The following HNRNPUL1 variants were observed in gnomAD, a reference collection of about 807,000 sequenced individuals.
HNRNPUL1 encodes heterogeneous nuclear ribonucleoprotein U-like protein 1.
In HNRNPUL1, 14 loss-of-function variants were observed where a neutral mutation model predicts 108.5. The ratio of observed to expected loss-of-function variants is 0.13; its 90% confidence interval spans 0.09 to 0.20. The LOEUF is 0.20. Among genes scored for constraint, HNRNPUL1 ranks in the 10% least tolerant of loss-of-function variants. HNRNPUL1 has a pLI of 1.00. For missense variants in HNRNPUL1, 804 were observed against 1,168.3 expected (o/e 0.69, Z 4.55); for synonymous variants, 422 against 445.2 (o/e 0.95, Z 0.66).
At position 41,294,256 on chromosome 19, in the gene HNRNPUL1, C is replaced by A. The variant is rs748396647; in HGVS notation, c.1267-82C>A. The A allele has an allele frequency of 3.0e-5, 46 of 1,525,412 alleles. No individual in the cohort carries two copies. Among genetic ancestry groups the A allele is most frequent in the Non-Finnish European group, 4.0e-5 (44 of 1,110,928 alleles). 94.5% of individuals were successfully genotyped at this position (1,525,412 alleles called of 1,614,324 possible). Reference sequence around the variant, plus strand: ...TAGAGGCAGCCACAGCTCAGAGGTCCAGAGTCACACTCACAGTCACCACCG... The same window carrying A: ...TAGAGGCAGCCACAGCTCAGAGGTCAAGAGTCACACTCACAGTCACCACCG... On this transcript the variant is annotated intron_variant, in intron 8 of 14. Coordinates refer to ENST00000392006, the MANE Select transcript of HNRNPUL1 (RefSeq NM_007040.6). The surrounding 1 kb of genome is among the most constrained non-coding windows in gnomAD (Gnocchi z 4.3).
chr19:41,276,128 A>G (rs538638125), intron 4 of HNRNPUL1, 31 bp from the exon 5 acceptor site: 63 of 1,613,574 alleles, frequency 3.9e-5, no homozygotes, highest in Non-Finnish European at 5.0e-5. Flanking sequence ...AAATAAAAAC[A>G]TCAGCCAACT....
At chr19:41,273,930 C>G in intron 3 of HNRNPUL1, 52 bp from the exon 4 acceptor site, 1 of 1,402,146 alleles carries the variant, frequency 7.1e-7, no homozygotes, top group South Asian at 1.2e-5. Flanking sequence ...ATTTTCTTTC[C>G]TTTGTGCTCA....
At chr19:41,267,711 T>TGAGCAAGGGCCCTACCA (rs1245495857) in intron 1 of HNRNPUL1, among the ~76,000 whole-genome samples, 3 of 152,356 alleles carry the variant, frequency 2.0e-5, no homozygotes, top group Non-Finnish European at 4.4e-5. Context: ...GGGCCCTAAC[T>TGAGCAAGGGCCCTACCA]GAGAGCTAGC....
chr19:41,272,593 C>T (rs1199688679), intron 3 of HNRNPUL1, among the ~76,000 whole-genome samples: 6 of 152,228 alleles, frequency 3.9e-5, no homozygotes, highest in Admixed American at 3.9e-4. Context: ...TACACATCCT[C>T]TTCCCATTCA....
chr19:41,285,372 C>T (rs2036160314), intron 7 of HNRNPUL1, among the ~76,000 whole-genome samples: 1 of 152,114 alleles, frequency 6.6e-6, no homozygotes, highest in East Asian at 1.9e-4. Flanking sequence ...TACATACTTG[C>T]GCCACCACAC....
rs77028936 is a variant in HNRNPUL1, at chr19:41,276,397, T to C, written c.786+99T>C. 3,344 of 1,351,684 alleles carry C rather than the reference T, an allele frequency of 2.5e-3. 119 individuals are homozygous for C. The East Asian group carries it at 0.07, about 28-fold the overall frequency. 83.7% of individuals were successfully genotyped at this position (1,351,684 alleles called of 1,614,324 possible). A position where few individuals can be genotyped will look rare whatever the true frequency, so the allele number is the denominator to read the frequency against. On this transcript the variant is annotated intron_variant, in intron 5 of 14. Transcript: ENST00000392006. Reference sequence around the variant, plus strand: ...GTCAGAGCTGCAACTGCAAAAGAGATTGGATTGTGCAATACCATGTCCAAG... The same window carrying C: ...GTCAGAGCTGCAACTGCAAAAGAGACTGGATTGTGCAATACCATGTCCAAG...
intron 6 of HNRNPUL1, among the ~76,000 whole-genome samples, chr19:41,279,377 T>G (rs3745295): frequency 0.2 from 30,870 of 152,166 alleles, 3,491 homozygotes; most frequent in East Asian, 0.34. Flanking sequence ...TGAAACAACT[T>G]TTCTGTGAAG....
In HNRNPUL1 at chr19:41,304,024, C is replaced by T. The variant is rs1368362552; in HGVS notation, c.2025C>T (p.Asn675=). The change falls in exon 13 of 15, where the codon AAC becomes AAT. Residue 675 remains asparagine, a synonymous_variant. Transcript: ENST00000392006. ...ATAGCCAGAACCGCTGGGGTAACAA[C>T]AACCGGGATAACAACAACTCCAACA... ...GGYSQNRWGN[N]NRDNNNSNNR... 1.9e-6 allele frequency: 3 copies of T among 1,613,964 alleles called. No individual in the cohort carries two copies. Among genetic ancestry groups the T allele is most frequent in the Non-Finnish European group, 2.5e-6 (3 of 1,180,000 alleles).
chr19:41,274,120 C>A, intron 4 of HNRNPUL1, 65 bp downstream of exon 4: 2 of 1,325,834 alleles, frequency 1.5e-6, no homozygotes, highest in Non-Finnish European at 2.2e-6. Flanking sequence ...GTGGTCTTGA[C>A]CTTCACCAGA....
At chr19:41,289,622 G>C (rs2036460880) in intron 7 of HNRNPUL1, among the ~76,000 whole-genome samples, 2 of 151,724 alleles carry the variant, frequency 1.3e-5, no homozygotes, top group Admixed American at 1.3e-4. Flanking sequence ...GAGGGCGCCG[G>C]TTTCTGTGCA....
intron 7 of HNRNPUL1, chr19:41,291,827 T>A (rs1351240271): frequency 5.9e-6 from 1 of 170,716 alleles, no homozygotes; most frequent in Non-Finnish European, 1.3e-5. Context: ...TACAAAAAAA[T>A]TTAAAAATTA....
chr19:41,267,308 C>G lies in HNRNPUL1; in HGVS notation c.296-915C>G, dbSNP rs112246290. On this transcript the variant is annotated intron_variant, in intron 1 of 14. Transcript: ENST00000392006. ...TTATAGCTTCTCCAGGAGGGGCTGC[C>G]TCTGTGAACACAGGAGAGAGATGCT... 9.8e-3 allele frequency among the ~76,000 whole-genome samples: 1,495 copies of G among 152,286 alleles called. 26 individuals carry two copies. Among genetic ancestry groups the G allele is most frequent in the African/African-American group, 0.034 (1,402 of 41,550 alleles).
Position 41,294,813 on chromosome 19 carries a change from GT to G in HNRNPUL1, c.1518+128del. ...ATGGACTGCTGTGCTAGTCGGGGGGGTCAGACCTTGTCATACATGATGACAT... is the reference window on the plus strand; with the variant it reads ...ATGGACTGCTGTGCTAGTCGGGGGGGCAGACCTTGTCATACATGATGACAT... On this transcript the variant is annotated intron_variant, in intron 10 of 14. Coordinates refer to ENST00000392006, the MANE Select transcript of HNRNPUL1 (RefSeq NM_007040.6). The surrounding 1 kb of genome is among the most constrained non-coding windows in gnomAD (Gnocchi z 4.3). The G allele has an allele frequency of 9.5e-7, 1 of 1,057,000 alleles. No individual in the cohort carries two copies. Among genetic ancestry groups the G allele is most frequent in the South Asian group, 1.5e-5 (1 of 67,694 alleles). 65.5% of individuals were successfully genotyped at this position (1,057,000 alleles called of 1,614,324 possible).
intron 10 of HNRNPUL1, among the ~76,000 whole-genome samples, chr19:41,296,072 C>T (rs1289048208): frequency 6.6e-6 from 1 of 152,192 alleles, no homozygotes; most frequent in African/African-American, 2.4e-5. Flanking sequence ...AGCAGTAATA[C>T]CATTTTAACA....
chr19:41,294,308 C>T lies in HNRNPUL1; in HGVS notation c.1267-30C>T, dbSNP rs774657569. 34 of 1,611,856 alleles carry T rather than the reference C, an allele frequency of 2.1e-5. No individual in the cohort carries two copies. Among genetic ancestry groups the T allele is most frequent in the Middle Eastern group, 1.7e-4 (1 of 5,912 alleles). The stretch of plus-strand genomic sequence containing the variant: ...GCCAAGTGGTGCCATACCACCATGC[C>T]GCAACACCTTCCCTGTCTTGTTCTT... On this transcript the variant is annotated intron_variant, in intron 8 of 14. Coordinates refer to ENST00000392006, the MANE Select transcript of HNRNPUL1 (RefSeq NM_007040.6). This position sits in a 1 kb window ranked among gnomAD's most constrained non-coding sequence, Gnocchi z 4.3.
chr19:41,268,158 A>G (rs1813166419), intron 1 of HNRNPUL1, 65 bp from the exon 2 acceptor site: 2 of 1,563,136 alleles, frequency 1.3e-6, no homozygotes, highest in South Asian at 1.2e-5. Flanking sequence ...TGCCTTCTGG[A>G]TGCTTTGGTC....
intron 7 of HNRNPUL1, among the ~76,000 whole-genome samples, chr19:41,288,314 T>C (rs2036372480): frequency 6.6e-6 from 1 of 151,826 alleles, no homozygotes; most frequent in African/African-American, 2.4e-5. Context: ...GGCATGATCT[T>C]GGCTCACCAC....
At chr19:41,290,127 G>T (rs1431024411) in intron 7 of HNRNPUL1, among the ~76,000 whole-genome samples, 1 of 152,138 alleles carries the variant, frequency 6.6e-6, no homozygotes, top group East Asian at 1.9e-4. Context: ...CCTCAAGGGA[G>T]GGTGCTTCTG....
intron 7 of HNRNPUL1, among the ~76,000 whole-genome samples, chr19:41,289,392 T>A (rs1225189264): frequency 6.6e-6 from 1 of 152,114 alleles, no homozygotes; most frequent in Non-Finnish European, 1.5e-5. Context: ...GAATAACCCA[T>A]TTCAGCAAAC....
Sources: allele counts gnomAD v4.1 joint callset (sites outside exome capture counted in the v4.1 genomes callset), GRCh38; gene constraint gnomAD v4.1.1; non-coding constraint Gnocchi (gnomAD v3.1); transcripts MANE v1.5; gene names NCBI Gene and HGNC (gene_info 2026-07-23, HGNC 2026-07-21).